RFC3: variants seen among roughly 807,000 people sequenced by gnomAD.
The protein encoded by RFC3 is A1 38 kDa subunit.
RFC3 carries 41 observed loss-of-function variants against 45.1 expected under a neutral mutation model. That is an observed-to-expected ratio of 0.91 (90% CI 0.71 to 1.18). The LOEUF (loss-of-function observed/expected upper bound fraction) is 1.18. RFC3 is among the 50% of genes most tolerant of loss of function. The pLI is 0.00. For synonymous variants in RFC3, 149 were observed against 144.0 expected (o/e 1.03, Z -0.25); for missense variants, 423 against 428.1 (o/e 0.99, Z 0.10).
intron 8 of RFC3, among the ~76,000 whole-genome samples, chr13:33,868,827 A>G (rs1480013680): frequency 6.6e-6 from 1 of 152,214 alleles, no homozygotes; most frequent in African/African-American, 2.4e-5. Context: ...AAATATCAAG[A>G]ACCTGGATGA....
chr13:33,848,231 G>A (rs181330819), intron 8 of RFC3: 4 of 152,214 alleles, frequency 2.6e-5, no homozygotes, highest in Admixed American at 6.5e-5. Flanking sequence ...TTCCTTTCTC[G>A]ATGTCATCTT....
chr13:33,909,376 A>G (rs2082690874), intron 8 of RFC3, among the ~76,000 whole-genome samples: 1 of 151,606 alleles, frequency 6.6e-6, no homozygotes. Context: ...AGTCCACATA[A>G]CCCCTCTCAA....
At chr13:33,882,857 G>C (rs1483255345) in intron 8 of RFC3, among the ~76,000 whole-genome samples, 1 of 152,078 alleles carries the variant, frequency 6.6e-6, no homozygotes, top group Non-Finnish European at 1.5e-5. Flanking sequence ...TTTATAAGTG[G>C]GATCATACAG....
intron 8 of RFC3, among the ~76,000 whole-genome samples, chr13:33,960,864 T>C (rs1258794386): frequency 6.6e-6 from 1 of 152,230 alleles, no homozygotes; most frequent in Admixed American, 6.5e-5. Context: ...TCTCTGGTGC[T>C]TTTGGGGCCA....
At chr13:33,960,875 C>T (rs775188357) in intron 8 of RFC3, among the ~76,000 whole-genome samples, 3 of 152,178 alleles carry the variant, frequency 2.0e-5, no homozygotes, top group East Asian at 3.9e-4. Context: ...TTTGGGGCCA[C>T]GTTTAAATCA....
At chr13:33,960,334 A>C (rs904030753) in intron 8 of RFC3, among the ~76,000 whole-genome samples, 3 of 152,226 alleles carry the variant, frequency 2.0e-5, no homozygotes, top group Non-Finnish European at 4.4e-5. Flanking sequence ...GGCCTTGGGC[A>C]CACTCCATAA....
At chr13:33,941,732 T>G (rs1379438767) in intron 8 of RFC3, among the ~76,000 whole-genome samples, 2 of 151,932 alleles carry the variant, frequency 1.3e-5, no homozygotes, top group Non-Finnish European at 2.9e-5. Flanking sequence ...TTTAAGGTTT[T>G]TTTTTTCTTC....
intron 8 of RFC3, among the ~76,000 whole-genome samples, chr13:33,908,615 C>CAT (rs2082686248): frequency 7.2e-6 from 1 of 138,008 alleles, no homozygotes; most frequent in South Asian, 2.2e-4. Flanking sequence ...GATACACACA[C>CAT]ACACACACAC....
intron 8 of RFC3, among the ~76,000 whole-genome samples, chr13:33,885,260 A>G (rs1364779259): frequency 1.3e-5 from 2 of 152,202 alleles, no homozygotes; most frequent in Non-Finnish European, 2.9e-5. Flanking sequence ...CTATGAAAAT[A>G]TAAATATTTG....
chr13:33,919,680 G>A (rs1241845782), intron 8 of RFC3, among the ~76,000 whole-genome samples: 1 of 152,028 alleles, frequency 6.6e-6, no homozygotes, highest in Non-Finnish European at 1.5e-5. Flanking sequence ...ATGTCTGTGT[G>A]TATGCTTTTC....
rs747932039 is a variant in RFC3, at chr13:33,924,661, GTA to G, written c.880-41414_880-41413del. On this transcript the variant is annotated intron_variant, in intron 8 of 8. Transcript: ENST00000434425. Reference sequence around the variant, plus strand: ...ATTGATATTATATATCAATGTGTGTGTATATATATATATTATATATATATGTA... The same window carrying G: ...ATTGATATTATATATCAATGTGTGTGTATATATATATTATATATATATGTA... 2.1e-4 allele frequency among the ~76,000 whole-genome samples: 31 copies of G among 146,420 alleles called. No homozygotes were observed. The South Asian group carries it at 2.3e-3, about 11-fold the overall frequency.
intron 8 of RFC3, among the ~76,000 whole-genome samples, chr13:33,891,758 C>A (rs1026948824): frequency 1.3e-5 from 2 of 151,994 alleles, no homozygotes; most frequent in African/African-American, 2.4e-5. Context: ...TCTACAATGT[C>A]AAATATATAT....
At chr13:33,908,181 A>G (rs968720234) in intron 8 of RFC3, among the ~76,000 whole-genome samples, 2 of 152,090 alleles carry the variant, frequency 1.3e-5, no homozygotes, top group African/African-American at 4.8e-5. Flanking sequence ...AAAAACACAC[A>G]CACACAGTGC....
downstream of RFC3, among the ~76,000 whole-genome samples, chr13:33,841,631 A>G (rs77621279): frequency 9.0e-3 from 1,371 of 152,316 alleles, 13 homozygotes; most frequent in African/African-American, 0.032. Flanking sequence ...ATTGGTAATT[A>G]CATTTTGGGG....
chr13:33,945,349 C>T (rs1200287026), intron 8 of RFC3, among the ~76,000 whole-genome samples: 1 of 152,070 alleles, frequency 6.6e-6, no homozygotes, highest in Non-Finnish European at 1.5e-5. Context: ...TCAAAATATC[C>T]TTACGAGGGA....
chr13:33,877,708 TAA>T (rs2137586306), intron 8 of RFC3, among the ~76,000 whole-genome samples: 1 of 148,786 alleles, frequency 6.7e-6, no homozygotes, highest in South Asian at 2.1e-4. Context: ...TATAATAAAA[TAA>T]GTTTATATAT....
At chr13:33,955,931 A>G (rs568089952) in intron 8 of RFC3, among the ~76,000 whole-genome samples, 3 of 152,374 alleles carry the variant, frequency 2.0e-5, no homozygotes, top group African/African-American at 7.2e-5. Context: ...GAAGGAGCCT[A>G]ATCTATAAAG....
chr13:33,912,485 AGCT>A (rs766250497), intron 8 of RFC3, among the ~76,000 whole-genome samples: 7 of 152,110 alleles, frequency 4.6e-5, no homozygotes, highest in Non-Finnish European at 5.9e-5. Context: ...GAAGTTACTG[AGCT>A]GGAAAGAACT....
At chr13:33,871,477 TG>T (rs1448079968) in intron 8 of RFC3, among the ~76,000 whole-genome samples, 6 of 152,224 alleles carry the variant, frequency 3.9e-5, no homozygotes, top group African/African-American at 1.4e-4. Flanking sequence ...GCCCTCCTGC[TG>T]CCCTCTTCCA....
Sources: gnomAD v4.1 joint callset for allele counts (sites outside exome capture counted in the v4.1 genomes callset) on GRCh38, gnomAD v4.1.1 for gene constraint, MANE v1.5 for transcripts, NCBI Gene and HGNC (gene_info 2026-07-23, HGNC 2026-07-21) for gene names.